GRID1: variants seen among roughly 807,000 people sequenced by gnomAD.
The protein encoded by GRID1 is glutamate receptor ionotropic, delta-1.
GRID1 carries 28 observed loss-of-function variants against 98.0 expected under a neutral mutation model. That is an observed-to-expected ratio of 0.29 (90% CI 0.21 to 0.39). The LOEUF is 0.39. GRID1 is among the 10% of genes least tolerant of loss of function. GRID1 has a pLI of 1.00. For synonymous variants in GRID1, 553 were observed against 538.5 expected (o/e 1.03, Z -0.37); for missense variants, 1,111 against 1,340.5 (o/e 0.83, Z 2.67).
At chr10:85,805,434 CA>C (rs1331474571) in intron 8 of GRID1, among the ~76,000 whole-genome samples, 2 of 151,650 alleles carry the variant, frequency 1.3e-5, no homozygotes, top group Non-Finnish European at 3.0e-5. Context: ...CTAAATTGGT[CA>C]AAAGATTTAA....
chr10:86,255,284 G>C (rs1846900063), intron 2 of GRID1, among the ~76,000 whole-genome samples: 1 of 152,224 alleles, frequency 6.6e-6, no homozygotes. Flanking sequence ...ACTGTGTCCA[G>C]AGAAGCTGGA....
At chr10:85,929,640 C>A (rs561281105) in intron 4 of GRID1, among the ~76,000 whole-genome samples, 1 of 152,286 alleles carries the variant, frequency 6.6e-6, no homozygotes, top group African/African-American at 2.4e-5. Context: ...CACAATGTTA[C>A]AATTACAGAC....
chr10:85,617,200 A>C (rs907163981), intron 14 of GRID1, among the ~76,000 whole-genome samples: 2 of 151,162 alleles, frequency 1.3e-5, no homozygotes, highest in Non-Finnish European at 2.9e-5. Flanking sequence ...GGCAGCTCAC[A>C]GTTCTGCATG....
intron 5 of GRID1, among the ~76,000 whole-genome samples, chr10:85,889,912 T>C (rs1408795411): frequency 6.6e-6 from 1 of 152,158 alleles, no homozygotes; most frequent in East Asian, 1.9e-4. Flanking sequence ...GTGTTCTCTT[T>C]TTTAAATTGA....
intron 2 of GRID1, among the ~76,000 whole-genome samples, chr10:86,338,253 A>AC (rs1192118026): frequency 2.1e-5 from 3 of 144,594 alleles, no homozygotes; most frequent in Non-Finnish European, 4.5e-5. Context: ...ATGGATAAGC[A>AC]CATGAACCAG....
chr10:86,343,772 CG>C (rs1848344019), intron 2 of GRID1, among the ~76,000 whole-genome samples: 1 of 152,248 alleles, frequency 6.6e-6, no homozygotes, highest in Non-Finnish European at 1.5e-5. Context: ...GAGAGAGAAT[CG>C]CTGTCATGCA....
At chr10:86,047,513 T>C (rs575734421) in intron 4 of GRID1, among the ~76,000 whole-genome samples, 1 of 152,340 alleles carries the variant, frequency 6.6e-6, no homozygotes, top group African/African-American at 2.4e-5. Context: ...TAATTAGTAC[T>C]TTTGCGGGGA....
At chr10:85,772,617 G>T (rs904446456) in intron 8 of GRID1, among the ~76,000 whole-genome samples, 10 of 151,944 alleles carry the variant, frequency 6.6e-5, no homozygotes, top group Admixed American at 6.6e-4. Context: ...GCAAATAGAC[G>T]CAATAAAAAA....
chr10:86,287,169 G>A (rs1479188576), intron 2 of GRID1, among the ~76,000 whole-genome samples: 1 of 152,196 alleles, frequency 6.6e-6, no homozygotes. Flanking sequence ...CGTGGGGAAG[G>A]AGCTGCAGGT....
In GRID1 at chr10:86,328,798, C is replaced by T. The variant is rs141318505; in HGVS notation, c.235+35143G>A. ...CTCCACCCCCACCAACATGCTCAGA[C>T]TCACCTTTCCTGTAAGCTGTGAGAC... On this transcript the variant is annotated intron_variant, in intron 2 of 15. Coordinates refer to ENST00000327946, the MANE Select transcript of GRID1 (RefSeq NM_017551.3). Among the ~76,000 whole-genome samples, 602 of 151,966 alleles carry T rather than the reference C, an allele frequency of 4.0e-3. 3 individuals carry two copies. The highest frequency in any genetic ancestry group is 0.027 in the Middle Eastern group (8 of 294).
intron 2 of GRID1, among the ~76,000 whole-genome samples, chr10:86,345,018 GC>G (rs1171214717): frequency 3.9e-5 from 6 of 152,158 alleles, no homozygotes; most frequent in Non-Finnish European, 5.9e-5. Context: ...TCCCTGGAGG[GC>G]CCCAGCAGGA....
At chr10:85,822,189 G>A (rs536253765) in intron 8 of GRID1, among the ~76,000 whole-genome samples, 93 of 152,006 alleles carry the variant, frequency 6.1e-4, no homozygotes, top group African/African-American at 2.2e-3. Context: ...TGACAAATGG[G>A]ATCTAATTAA....
chr10:85,833,485 A>G (rs1423887421), intron 8 of GRID1, among the ~76,000 whole-genome samples: 1 of 152,044 alleles, frequency 6.6e-6, no homozygotes, highest in African/African-American at 2.4e-5. Context: ...AAAGTAGGCC[A>G]GACATGTGTG....
intron 2 of GRID1, among the ~76,000 whole-genome samples, chr10:86,338,230 C>T (rs1386242126): frequency 6.6e-6 from 1 of 151,630 alleles, no homozygotes; most frequent in Non-Finnish European, 1.5e-5. Flanking sequence ...TCCCTTGTTG[C>T]ACTGATTGGT....
At chr10:85,782,718 C>T (rs1236942310) in intron 8 of GRID1, among the ~76,000 whole-genome samples, 1 of 152,216 alleles carries the variant, frequency 6.6e-6, no homozygotes, top group Non-Finnish European at 1.5e-5. Context: ...GCCTGGTGGG[C>T]ATAAAATGAG....
chr10:85,869,184 G>A lies in GRID1; in HGVS notation c.781-4C>T. 3 of 1,612,410 alleles carry A rather than the reference G, an allele frequency of 1.9e-6. No individual in the cohort carries two copies. Among genetic ancestry groups the A allele is most frequent in the Non-Finnish European group, 1.7e-6 (2 of 1,178,482 alleles). ...GGATCTCCGGGTCACTGATTTCCTA[G>A]AAAAATAACCAGGCCCATGCTTACC... On this transcript the variant is annotated splice_polypyrimidine_tract_variant and splice_region_variant and intron_variant, in intron 5 of 15. Coordinates refer to ENST00000327946, the MANE Select transcript of GRID1 (RefSeq NM_017551.3).
intron 5 of GRID1, among the ~76,000 whole-genome samples, chr10:85,885,058 C>T (rs1841092733): frequency 6.6e-6 from 1 of 152,146 alleles, no homozygotes; most frequent in Admixed American, 6.5e-5. Context: ...TCATGCACTA[C>T]ATAATAAAAA....
chr10:85,765,462 A>G (rs1842188700), intron 8 of GRID1, among the ~76,000 whole-genome samples: 1 of 152,220 alleles, frequency 6.6e-6, no homozygotes, highest in Non-Finnish European at 1.5e-5. Context: ...AAAATGCTCC[A>G]AAATGTGAAA....
intron 2 of GRID1, among the ~76,000 whole-genome samples, chr10:86,329,193 GC>G (rs1848101552): frequency 6.6e-6 from 1 of 152,238 alleles, no homozygotes; most frequent in South Asian, 2.1e-4. Context: ...TAAAGCGGCT[GC>G]CTGGTTCCCT....
Sources: gnomAD v4.1 joint callset for allele counts (sites outside exome capture counted in the v4.1 genomes callset) on GRCh38, gnomAD v4.1.1 for gene constraint, MANE v1.5 for transcripts, NCBI Gene and HGNC (gene_info 2026-07-23, HGNC 2026-07-21) for gene names.